SNX29: variants seen among roughly 807,000 people sequenced by gnomAD.
SNX29 encodes sorting nexin 29.
Under a neutral mutation model 102.1 loss-of-function variants are expected in SNX29, and 78 were observed. The observed-to-expected ratio is 0.76, with a 90% CI of 0.64 to 0.92. The LOEUF is 0.92. Among genes scored for constraint, SNX29 ranks in the 40% least tolerant of loss-of-function variants. The pLI is 0.00. For missense variants in SNX29, 1,280 were observed against 1,061.7 expected, an observed-to-expected ratio of 1.21 and a Z score of -2.86; for synonymous variants, 580 against 414.5, an observed-to-expected ratio of 1.40 and a Z score of -4.85.
intron 18 of SNX29, among the ~76,000 whole-genome samples, chr16:12,423,325 C>T (rs1001337898): frequency 5.9e-5 from 9 of 152,100 alleles, no homozygotes; most frequent in African/African-American, 2.2e-4. Context: ...GCTCACAGAC[C>T]GTCTCTACCC....
In SNX29 at chr16:12,571,747, C is replaced by A; in HGVS notation, c.*3118C>A. On this transcript the variant is annotated 3_prime_UTR_variant, in exon 21 of 21. Transcript: ENST00000566228. ...AAAGGCTGCTAGAAACCTAGCCCAA[C>A]CATCCACTCCTGATCTGAGACAGAA... The A allele has an allele frequency of 9.8e-7, 1 of 1,017,186 alleles. No individual in the cohort carries two copies. The highest frequency in any genetic ancestry group is 1.7e-5 in the African/African-American group (1 of 59,918). The allele number at this position is 1,017,186 out of a possible 1,614,324, so 63.0% of individuals were successfully genotyped here.
At chr16:12,310,119 C>CACACAT (rs374142105) in intron 15 of SNX29, among the ~76,000 whole-genome samples, 19 of 151,860 alleles carry the variant, frequency 1.3e-4, no homozygotes, top group Non-Finnish European at 2.4e-4. Flanking sequence ...TACACGTGCA[C>CACACAT]GCACACATGC....
rs182021976 is a variant in SNX29 at position 12,366,871 on chromosome 16, G to A, written c.1899+10592G>A. ...TCTCTCTCTTTCTTTTCCTCTGTCT[G>A]TCTCTTCCCCCTGCCTGACTCTCTC... On this transcript the variant is annotated intron_variant, in intron 16 of 20. Coordinates refer to ENST00000566228, the MANE Select transcript of SNX29 (RefSeq NM_032167.5). 4.1e-5 allele frequency: 6 copies of A among 146,434 alleles called. No homozygotes were observed. In the East Asian group the frequency reaches 1.3e-3, roughly 32 times the overall value. 9.1% of individuals were successfully genotyped at this position (146,434 alleles called of 1,614,324 possible). A position where few individuals can be genotyped will look rare whatever the true frequency, so the allele number is the denominator to read the frequency against.
At chr16:12,513,987 A>G (rs1163503358) in intron 19 of SNX29, among the ~76,000 whole-genome samples, 1 of 152,118 alleles carries the variant, frequency 6.6e-6, no homozygotes, top group Non-Finnish European at 1.5e-5. Flanking sequence ...GGGTGCTGGG[A>G]GCCCAGGCGT....
At chr16:12,401,155 A>G (rs1056796224) in intron 17 of SNX29, among the ~76,000 whole-genome samples, 5 of 152,092 alleles carry the variant, frequency 3.3e-5, no homozygotes, top group African/African-American at 9.7e-5. Flanking sequence ...TTAATAATGG[A>G]TAGGATAACT....
intron 15 of SNX29, among the ~76,000 whole-genome samples, chr16:12,334,091 G>T (rs753144459): frequency 2.0e-5 from 3 of 152,100 alleles, no homozygotes; most frequent in Non-Finnish European, 4.4e-5. Flanking sequence ...GCTAGACGTA[G>T]GGAAACACTT....
At chr16:12,439,290 G>T (rs757326878) in intron 18 of SNX29, among the ~76,000 whole-genome samples, 1 of 152,228 alleles carries the variant, frequency 6.6e-6, no homozygotes, top group South Asian at 2.1e-4. Context: ...TGACACCTAA[G>T]AGCCACTGGA....
chr16:12,571,371 C>T lies in SNX29; in HGVS notation c.*2742C>T, dbSNP rs7198503. 29 of 231,264 alleles carry T rather than the reference C, an allele frequency of 1.3e-4. No individual in the cohort carries two copies. Among genetic ancestry groups the T allele is most frequent in the African/African-American group, 3.8e-4 (17 of 45,290 alleles). The allele number at this position is 231,264 out of a possible 1,614,324, so 14.3% of individuals were successfully genotyped here. A position where few individuals can be genotyped will look rare whatever the true frequency, so the allele number is the denominator to read the frequency against. On this transcript the variant is annotated 3_prime_UTR_variant, in exon 21 of 21. Transcript: ENST00000566228. ...AAGCCACGACCTTATCCATGAGTGG[C>T]GAAGACACCCCTGAGGAAAGGATTG...
intron 14 of SNX29, among the ~76,000 whole-genome samples, chr16:12,274,651 C>T (rs1395933859): frequency 6.6e-6 from 1 of 152,094 alleles, no homozygotes; most frequent in Non-Finnish European, 1.5e-5. Flanking sequence ...ATCCTTCCAC[C>T]TCAGCCTCCC....
chr16:12,463,987 C>T (rs1430317373), intron 18 of SNX29, among the ~76,000 whole-genome samples: 1 of 152,090 alleles, frequency 6.6e-6, no homozygotes, highest in East Asian at 1.9e-4. Flanking sequence ...AAGATGTACC[C>T]TTTGACCAAC....
At chr16:12,353,814 C>T (rs1306488902) in intron 15 of SNX29, among the ~76,000 whole-genome samples, 23 of 152,208 alleles carry the variant, frequency 1.5e-4, no homozygotes, top group Admixed American at 1.4e-3. Flanking sequence ...GGGTTTTACT[C>T]TTAAAGCAGT....
At chr16:12,020,489 A>T (rs1050248818) in intron 3 of SNX29, among the ~76,000 whole-genome samples, 1 of 152,048 alleles carries the variant, frequency 6.6e-6, no homozygotes, top group Non-Finnish European at 1.5e-5. Flanking sequence ...GGTGTGAGCA[A>T]CTGCGCCCCA....
chr16:12,564,817 G>C (rs114679868), intron 20 of SNX29, among the ~76,000 whole-genome samples: 7 of 151,864 alleles, frequency 4.6e-5, no homozygotes, highest in Non-Finnish European at 7.4e-5. Flanking sequence ...CAGAAGTCTC[G>C]GTGGTACACA....
chr16:11,985,273 C>T (rs1036691489), intron 1 of SNX29, among the ~76,000 whole-genome samples: 2 of 152,166 alleles, frequency 1.3e-5, no homozygotes, highest in African/African-American at 4.8e-5. Context: ...GGTGCATCCT[C>T]TATCACTTAT....
chr16:12,567,731 TA>T, intron 20 of SNX29, among the ~76,000 whole-genome samples: 1 of 152,226 alleles, frequency 6.6e-6, no homozygotes, highest in South Asian at 2.1e-4. Flanking sequence ...GATTGCACTG[TA>T]AAACCTGGGC....
intron 1 of SNX29, among the ~76,000 whole-genome samples, chr16:11,987,193 A>G (rs1363281156): frequency 3.2e-4 from 48 of 151,246 alleles, no homozygotes; most frequent in Non-Finnish European, 2.9e-5. Context: ...GCTCCCCAGG[A>G]GGCTGGGACT....
At chr16:12,491,114 C>T (rs1218772379) in intron 19 of SNX29, among the ~76,000 whole-genome samples, 1 of 152,250 alleles carries the variant, frequency 6.6e-6, no homozygotes, top group African/African-American at 2.4e-5. Flanking sequence ...TTAACTGCTA[C>T]ACTTGCCGAT....
In SNX29 at chr16:12,572,447, G is replaced by C; in HGVS notation, c.*3818G>C. 2.8e-6 allele frequency: 3 copies of C among 1,063,032 alleles called. No individual in the cohort carries two copies. The highest frequency in any genetic ancestry group is 2.3e-6 in the Non-Finnish European group (2 of 877,858). 65.8% of individuals were successfully genotyped at this position (1,063,032 alleles called of 1,614,324 possible). On this transcript the variant is annotated 3_prime_UTR_variant, in exon 21 of 21. Coordinates refer to ENST00000566228, the MANE Select transcript of SNX29 (RefSeq NM_032167.5). ...GGCAGTGGCTGCCTCTCTTGGTTCTGCATGGTACATTTTGCCAACCCTGAG... is the reference window on the plus strand; with the variant it reads ...GGCAGTGGCTGCCTCTCTTGGTTCTCCATGGTACATTTTGCCAACCCTGAG...
At chr16:12,328,339 G>A (rs888768626) in intron 15 of SNX29, among the ~76,000 whole-genome samples, 3 of 152,214 alleles carry the variant, frequency 2.0e-5, no homozygotes, top group Admixed American at 1.3e-4. Flanking sequence ...AACTTGAAAA[G>A]TGATGCATTT....
Sources: gnomAD v4.1 joint callset for allele counts (sites outside exome capture counted in the v4.1 genomes callset) on GRCh38, gnomAD v4.1.1 for gene constraint, MANE v1.5 for transcripts, NCBI Gene and HGNC (gene_info 2026-07-23, HGNC 2026-07-21) for gene names.